HNF4G: variants seen among roughly 807,000 people sequenced by gnomAD.
HNF4G encodes hepatocyte nuclear factor 4-gamma.
In HNF4G, 21 loss-of-function variants were observed where a neutral mutation model predicts 50.9. The observed-to-expected ratio is 0.41, with a 90% CI of 0.29 to 0.59. The LOEUF (loss-of-function observed/expected upper bound fraction) is 0.59, where lower values mean the gene tolerates loss of function less well. HNF4G is among the 20% of genes least tolerant of loss of function. HNF4G has a pLI of 0.26. For missense variants in HNF4G, 527 were observed against 559.4 expected, an observed-to-expected ratio of 0.94 and a Z score of 0.58; for synonymous variants, 198 against 185.6, an observed-to-expected ratio of 1.07 and a Z score of -0.54.
chr8:75,519,008 T>G (rs768183965), intron 2 of HNF4G, among the ~76,000 whole-genome samples: 1 of 152,210 alleles, frequency 6.6e-6, no homozygotes, highest in Non-Finnish European at 1.5e-5. Context: ...CATATCTTTT[T>G]GAATACATAA....
At chr8:75,550,294 T>G (rs957186800) in intron 3 of HNF4G, among the ~76,000 whole-genome samples, 5 of 152,074 alleles carry the variant, frequency 3.3e-5, no homozygotes, top group Non-Finnish European at 7.4e-5. Flanking sequence ...ATATCTATTT[T>G]ATTCTCTCTC....
chr8:75,554,051 A>AT (rs1563553062), intron 5 of HNF4G, among the ~76,000 whole-genome samples: 1 of 152,104 alleles, frequency 6.6e-6, no homozygotes, highest in African/African-American at 2.4e-5. Flanking sequence ...TAACCAGTGT[A>AT]TATTTATTTT....
At chr8:75,429,084 T>G (rs997542158) in intron 1 of HNF4G, among the ~76,000 whole-genome samples, 1 of 152,148 alleles carries the variant, frequency 6.6e-6, no homozygotes, top group Admixed American at 6.5e-5. Flanking sequence ...AAATGGCAAG[T>G]GTGCGAGAAA....
At chr8:75,516,297 T>C (rs1453717755) in intron 2 of HNF4G, among the ~76,000 whole-genome samples, 1 of 152,212 alleles carries the variant, frequency 6.6e-6, no homozygotes, top group Non-Finnish European at 1.5e-5. Context: ...AAATATTTTT[T>C]TTTAAATAAG....
intron 1 of HNF4G, among the ~76,000 whole-genome samples, chr8:75,413,564 G>A (rs1213002847): frequency 6.6e-6 from 1 of 151,972 alleles, no homozygotes. Context: ...TCTGGCTGGG[G>A]ATACCTATAA....
At chr8:75,416,905 C>T (rs1355630034) in intron 1 of HNF4G, among the ~76,000 whole-genome samples, 1 of 152,200 alleles carries the variant, frequency 6.6e-6, no homozygotes, top group Non-Finnish European at 1.5e-5. Context: ...CTTCCTGAAG[C>T]TCTCCCTACC....
At chr8:75,520,109 T>G (rs1806001193) in intron 2 of HNF4G, among the ~76,000 whole-genome samples, 2 of 152,276 alleles carry the variant, frequency 1.3e-5, no homozygotes, top group South Asian at 2.1e-4. Flanking sequence ...TTATAAGTGC[T>G]TTTTAGTTTT....
In HNF4G at chr8:75,423,774, A is replaced by G. The variant is rs557312778; in HGVS notation, c.-144+15612A>G. ...TGAGAATTAAATCACTATCCAGCAC[A>G]CATATACTTCCTTCTTTGAAACTTT... is the stretch of plus-strand genomic sequence containing the variant. On this transcript the variant is annotated intron_variant, in intron 1 of 10. Coordinates refer to the HNF4G transcript ENST00000354370. Among the ~76,000 whole-genome samples the G allele has an allele frequency of 4.7e-5, 7 of 150,470 alleles. No individual in the cohort carries two copies. The South Asian group carries it at 1.3e-3, about 27-fold the overall frequency.
chr8:75,417,096 C>G (rs1810656769), intron 1 of HNF4G, among the ~76,000 whole-genome samples: 2 of 147,544 alleles, frequency 1.4e-5, no homozygotes, highest in Non-Finnish European at 3.0e-5. Context: ...CACATACGAG[C>G]ATGTGCATGG....
intron 2 of HNF4G, among the ~76,000 whole-genome samples, chr8:75,522,537 C>G (rs1290933607): frequency 2.0e-5 from 3 of 152,162 alleles, no homozygotes; most frequent in African/African-American, 7.2e-5. Flanking sequence ...CAAATTTTCT[C>G]AACCTGAGCA....
intron 4 of HNF4G, 109 bp from the exon 5 acceptor site, chr8:75,552,933 C>A: frequency 1.6e-6 from 1 of 643,100 alleles, no homozygotes; most frequent in Non-Finnish European, 2.6e-6. Context: ...ACTGTAACAA[C>A]AATAGTGCCT....
intron 1 of HNF4G, among the ~76,000 whole-genome samples, chr8:75,458,477 C>G (rs1811774277): frequency 1.3e-5 from 2 of 150,122 alleles, no homozygotes; most frequent in African/African-American, 2.5e-5. Flanking sequence ...TTCATTTTCC[C>G]AAATGATACA....
At chr8:75,547,139 G>A (rs1365733608) in intron 2 of HNF4G, among the ~76,000 whole-genome samples, 1 of 151,952 alleles carries the variant, frequency 6.6e-6, no homozygotes, top group African/African-American at 2.4e-5. Flanking sequence ...TGCCATTTAG[G>A]GTAAACTTCA....
chr8:75,559,860 G>A (rs1453596378), intron 8 of HNF4G, among the ~76,000 whole-genome samples: 1 of 152,022 alleles, frequency 6.6e-6, no homozygotes, highest in East Asian at 1.9e-4. Context: ...TTTCATTGTT[G>A]CAATACATGT....
In HNF4G at chr8:75,435,780, G is replaced by C. The variant is rs181443389; in HGVS notation, c.-144+27618G>C. Among the ~76,000 whole-genome samples the C allele has an allele frequency of 4.3e-4, 65 of 152,144 alleles. 1 individual carries two copies. Among genetic ancestry groups the C allele is most frequent in the African/African-American group, 1.4e-3 (60 of 41,492 alleles). Reference sequence around the variant, plus strand: ...AGCTAATTTTTGTATTTTTAGTAGAGACGGGGTTTCTCCATGTTAGCTAGG... The same window carrying C: ...AGCTAATTTTTGTATTTTTAGTAGACACGGGGTTTCTCCATGTTAGCTAGG... On this transcript the variant is annotated intron_variant, in intron 1 of 10. Coordinates refer to the HNF4G transcript ENST00000354370.
chr8:75,458,074 A>G lies in HNF4G; in HGVS notation c.-143-32015A>G, dbSNP rs541305112. 6.6e-5 allele frequency among the ~76,000 whole-genome samples: 10 copies of G among 152,224 alleles called. No homozygotes were observed. The East Asian group carries it at 1.9e-3, about 29-fold the overall frequency. ...ATCCTTTCACTTCCAAAGTGCTTGG[A>G]TTACAGAGTGAGCCACCATGCCAAA... On this transcript the variant is annotated intron_variant, in intron 1 of 10. Coordinates refer to the HNF4G transcript ENST00000354370.
intron 2 of HNF4G, among the ~76,000 whole-genome samples, chr8:75,507,544 C>A (rs1274192342): frequency 6.6e-6 from 1 of 152,190 alleles, no homozygotes; most frequent in Non-Finnish European, 1.5e-5. Flanking sequence ...CAGGCGTGAG[C>A]CACTGTGCCC....
Position 75,469,983 on chromosome 8 carries a change from A to G in HNF4G, c.-143-20106A>G, listed in dbSNP as rs147403212. ...TCACTCAACTGCTGGAGCCCGGGCT[A>G]TCTTCTCTTTCCCATTCACCACTCA... is the stretch of plus-strand genomic sequence containing the variant. On this transcript the variant is annotated intron_variant, in intron 1 of 10. Transcript: ENST00000354370. Among the ~76,000 whole-genome samples, 228 of 152,246 alleles carry G rather than the reference A, an allele frequency of 1.5e-3. 4 individuals carry two copies. Among genetic ancestry groups the G allele is most frequent in the Admixed American group, 0.01 (156 of 15,286 alleles).
At chr8:75,408,492 A>G (rs1200964991) in intron 1 of HNF4G, among the ~76,000 whole-genome samples, 1 of 152,206 alleles carries the variant, frequency 6.6e-6, no homozygotes, top group African/African-American at 2.4e-5. Context: ...GCTTCCATCC[A>G]TCTCTCATGG....
Sources: allele counts gnomAD v4.1 joint callset (sites outside exome capture counted in the v4.1 genomes callset), GRCh38; gene constraint gnomAD v4.1.1; transcripts MANE v1.5; gene names NCBI Gene and HGNC (gene_info 2026-07-23, HGNC 2026-07-21).